CNTNAP2: variants seen among roughly 807,000 people sequenced by gnomAD.
CNTNAP2 encodes the protein contactin associated protein 2.
CNTNAP2 carries 98 observed loss-of-function variants against 155.2 expected under a neutral mutation model. The ratio of observed to expected loss-of-function variants is 0.63; its 90% CI spans 0.54 to 0.75. CNTNAP2 has a LOEUF of 0.75. Among genes scored for constraint, CNTNAP2 ranks in the 30% least tolerant of loss-of-function variants. CNTNAP2 has a pLI of 0.00. For synonymous variants in CNTNAP2, 651 were observed against 631.2 expected (o/e 1.03, Z -0.47); for missense variants, 1,727 against 1,688.1 (o/e 1.02, Z -0.40).
intron 18 of CNTNAP2, among the ~76,000 whole-genome samples, chr7:148,209,623 T>A (rs1795509174): frequency 1.3e-5 from 2 of 152,342 alleles, no homozygotes; most frequent in East Asian, 3.9e-4. Context: ...ACCATCATTA[T>A]ATTTATTCTG....
chr7:146,509,542 C>G (rs1490476336), intron 1 of CNTNAP2, among the ~76,000 whole-genome samples: 1 of 152,162 alleles, frequency 6.6e-6, no homozygotes, highest in Admixed American at 6.5e-5. Context: ...GAGCCCACCC[C>G]TGGGGCCTCA....
rs762480386 is a variant in CNTNAP2 at position 148,118,090 on chromosome 7, A to G, written c.2384-28A>G. ...ACTAGGCTGATCAGGGTGTGAGTTA[A>G]CCTGATTTTTTTGTTTTCTTCCCAC... On this transcript the variant is annotated intron_variant, in intron 15 of 23. Coordinates refer to ENST00000361727, the MANE Select transcript of CNTNAP2 (RefSeq NM_014141.6). 3.1e-6 allele frequency: 5 copies of G among 1,612,740 alleles called. No homozygotes were observed. The Admixed American group carries it at 6.7e-5, about 22-fold the overall frequency.
intron 10 of CNTNAP2, among the ~76,000 whole-genome samples, chr7:147,480,419 T>C (rs1798400743): frequency 6.6e-6 from 1 of 152,196 alleles, no homozygotes; most frequent in African/African-American, 2.4e-5. Flanking sequence ...GTTATATGTA[T>C]GTGGTCTAAG....
chr7:147,521,708 G>A (rs183485011), intron 11 of CNTNAP2, among the ~76,000 whole-genome samples: 4 of 152,290 alleles, frequency 2.6e-5, no homozygotes, highest in African/African-American at 9.6e-5. Context: ...GTGGGGGTCA[G>A]GGTGGGAGTA....
chr7:147,574,940 A>G (rs1017221890), intron 12 of CNTNAP2, among the ~76,000 whole-genome samples: 1 of 152,084 alleles, frequency 6.6e-6, no homozygotes, highest in Non-Finnish European at 1.5e-5. Flanking sequence ...TTAATTACTG[A>G]ATCTTTTATG....
At chr7:147,868,537 TTGTC>T (rs1453570945) in intron 13 of CNTNAP2, among the ~76,000 whole-genome samples, 2 of 152,220 alleles carry the variant, frequency 1.3e-5, no homozygotes, top group African/African-American at 4.8e-5. Flanking sequence ...TCTGCAGAAG[TTGTC>T]TGCTGCCTTT....
At chr7:147,850,319 A>G (rs1296835661) in intron 13 of CNTNAP2, among the ~76,000 whole-genome samples, 1 of 152,242 alleles carries the variant, frequency 6.6e-6, no homozygotes, top group Non-Finnish European at 1.5e-5. Context: ...AAGAATCAAT[A>G]TCGTGAAAAT....
chr7:148,349,496 G>A (rs1357311815), intron 21 of CNTNAP2, among the ~76,000 whole-genome samples: 1 of 149,088 alleles, frequency 6.7e-6, no homozygotes, highest in East Asian at 2.0e-4. Context: ...TTGCCTCCCA[G>A]GTTCACGCCA....
intron 1 of CNTNAP2, among the ~76,000 whole-genome samples, chr7:146,377,054 G>A (rs1212116237): frequency 1.3e-5 from 2 of 152,044 alleles, no homozygotes; most frequent in Non-Finnish European, 2.9e-5. Context: ...ACAGCCTCCG[G>A]TATTTTGTTT....
rs144924836 is a variant in CNTNAP2 at position 146,210,518 on chromosome 7, G to T, written c.97+93545G>T. Among the ~76,000 whole-genome samples, 454 of 152,240 alleles carry T rather than the reference G, an allele frequency of 3.0e-3. 1 individual carries two copies. The highest frequency in any genetic ancestry group is 4.9e-3 in the Non-Finnish European group (332 of 68,022). ...GGGGTTTCACAATATGGACCAGGCT[G>T]GTTTCAAACCCCTGGCCTCAAGGGA... On this transcript the variant is annotated intron_variant, in intron 1 of 23. Transcript: ENST00000361727.
intron 21 of CNTNAP2, among the ~76,000 whole-genome samples, chr7:148,375,978 T>A (rs1307787727): frequency 1.8e-5 from 1 of 57,124 alleles, no homozygotes. Flanking sequence ...CCAGCCTGGG[T>A]AACAGAGCAA....
chr7:147,159,834 G>A (rs564094778), intron 8 of CNTNAP2, among the ~76,000 whole-genome samples: 80 of 152,178 alleles, frequency 5.3e-4, no homozygotes, highest in African/African-American at 1.7e-3. Flanking sequence ...CACTGCCTCC[G>A]AAACTGATAA....
At chr7:147,707,230 G>T (rs1388453309) in intron 13 of CNTNAP2, among the ~76,000 whole-genome samples, 1 of 152,040 alleles carries the variant, frequency 6.6e-6, no homozygotes, top group Non-Finnish European at 1.5e-5. Flanking sequence ...TATGTATCTG[G>T]TGTAAACATT....
chr7:146,216,743 T>A (rs548449458), intron 1 of CNTNAP2, among the ~76,000 whole-genome samples: 64 of 152,316 alleles, frequency 4.2e-4, no homozygotes, highest in Non-Finnish European at 6.3e-4. Flanking sequence ...ACACATGAAA[T>A]CACAAGCTAA....
intron 11 of CNTNAP2, among the ~76,000 whole-genome samples, chr7:147,499,300 G>GGGTA (rs1228306711): frequency 1.3e-5 from 2 of 151,992 alleles, no homozygotes; most frequent in Non-Finnish European, 2.9e-5. Flanking sequence ...AGGCCGAGGT[G>GGGTA]GGTAGATCAT....
In CNTNAP2 at chr7:147,046,433, A is replaced by C. The variant is rs532821291; in HGVS notation, c.550+2379A>C. 3.3e-5 allele frequency among the ~76,000 whole-genome samples: 5 copies of C among 152,290 alleles called. No homozygotes were observed. The East Asian group carries it at 5.8e-4, about 18-fold the overall frequency. On this transcript the variant is annotated intron_variant, in intron 4 of 23. Transcript: ENST00000361727. ...ATATTTCTGAGAATTATCTGTGCTG[A>C]TATTAGAGATATTAGTTTCTTTTCC... is the stretch of plus-strand genomic sequence containing the variant.
At chr7:148,146,209 G>A (rs778860031) in intron 16 of CNTNAP2, among the ~76,000 whole-genome samples, 3 of 152,214 alleles carry the variant, frequency 2.0e-5, no homozygotes, top group Admixed American at 6.5e-5. Context: ...TAGAGATTAG[G>A]TGGAAAGCTT....
At chr7:146,790,676 T>C (rs1802655054) in intron 2 of CNTNAP2, among the ~76,000 whole-genome samples, 1 of 151,928 alleles carries the variant, frequency 6.6e-6, no homozygotes, top group South Asian at 2.1e-4. Flanking sequence ...TTCACGCCAT[T>C]CTCCTGCCTC....
intron 12 of CNTNAP2, among the ~76,000 whole-genome samples, chr7:147,582,578 A>G (rs955535403): frequency 6.6e-6 from 1 of 152,190 alleles, no homozygotes; most frequent in African/African-American, 2.4e-5. Context: ...TTGAATGAAT[A>G]AATCAATTCC....
Sources: gnomAD v4.1 joint callset for allele counts (sites outside exome capture counted in the v4.1 genomes callset) on GRCh38, gnomAD v4.1.1 for gene constraint, MANE v1.5 for transcripts, NCBI Gene and HGNC (gene_info 2026-07-23, HGNC 2026-07-21) for gene names.